HTT: variants seen among roughly 807,000 people sequenced by gnomAD.
HTT encodes the protein huntingtin.
Under a neutral mutation model 362.3 loss-of-function variants are expected in HTT, and 104 were observed. The ratio of observed to expected loss-of-function variants is 0.29; its 90% CI spans 0.24 to 0.34. The LOEUF (loss-of-function observed/expected upper bound fraction) is 0.34. HTT is among the 10% of genes least tolerant of loss of function. The pLI is 1.00. For missense variants in HTT, 3,301 were observed against 3,928.6 expected, an observed-to-expected ratio of 0.84 and a Z score of 4.27; for synonymous variants, 1,577 against 1,548.7, an observed-to-expected ratio of 1.02 and a Z score of -0.43.
chr4:3,239,042 A>T, intron 66 of HTT, 64 bp downstream of exon 66: 1 of 1,497,480 alleles, frequency 6.7e-7, no homozygotes, highest in Non-Finnish European at 9.0e-7. Flanking sequence ...CTCATGTTTC[A>T]TGATAAGGTT....
intron 34 of HTT, 52 bp from the exon 35 acceptor site, chr4:3,178,246 A>G (rs973743770): frequency 2.4e-5 from 31 of 1,290,960 alleles, no homozygotes; most frequent in Admixed American, 3.7e-5. Flanking sequence ...GCTTATATTG[A>G]TATGTATCTT....
intron 47 of HTT, 56 bp from the exon 48 acceptor site, chr4:3,211,873 T>G (rs1720175989): frequency 1.6e-6 from 2 of 1,285,338 alleles, no homozygotes; most frequent in Non-Finnish European, 2.3e-6. Context: ...TCTTACCTGA[T>G]TGAAAGCTCA....
At chr4:3,167,653 T>C (rs575406966) in intron 29 of HTT, among the ~76,000 whole-genome samples, 3 of 152,264 alleles carry the variant, frequency 2.0e-5, no homozygotes, top group South Asian at 2.1e-4. Context: ...TATCAAATGC[T>C]GCCTTATCCA....
At position 3,238,480 on chromosome 4, in the gene HTT, G is replaced by T; in HGVS notation, c.8925G>T (p.Val2975=). The change falls in exon 65 of 67, where the codon GTG becomes GTT. Residue 2975 remains valine (V), a synonymous_variant. Transcript: ENST00000355072. ...IRKGFPCEAR[V]VARILPQFLD... ...AAGGCTTTCCTTGTGAAGCCAGAGT[G>T]GTGGCCAGGATCCTGCCCCAGTTTC... 1 of 1,612,480 alleles carries T rather than the reference G, an allele frequency of 6.2e-7. No individual in the cohort carries two copies. Among genetic ancestry groups the T allele is most frequent in the South Asian group, 1.1e-5 (1 of 90,494 alleles).
intron 6 of HTT, among the ~76,000 whole-genome samples, chr4:3,111,293 A>C (rs1474801174): frequency 6.6e-6 from 1 of 150,996 alleles, no homozygotes; most frequent in African/African-American, 2.4e-5. Flanking sequence ...TCCCAGGTTC[A>C]AGCAGTTCTC....
At chr4:3,108,808 G>A (rs920758628) in intron 6 of HTT, among the ~76,000 whole-genome samples, 3 of 152,130 alleles carry the variant, frequency 2.0e-5, no homozygotes, top group East Asian at 3.8e-4. Flanking sequence ...CTACTTGGGA[G>A]GCTGAGGTAG....
intron 40 of HTT, among the ~76,000 whole-genome samples, chr4:3,190,427 A>C (rs1379898945): frequency 6.6e-6 from 1 of 151,610 alleles, no homozygotes; most frequent in Non-Finnish European, 1.5e-5. Flanking sequence ...TGTTTTTGTT[A>C]CTTTTACAAA....
intron 27 of HTT, 116 bp downstream of exon 27, chr4:3,154,535 G>A (rs927359872): frequency 7.4e-7 from 1 of 1,348,496 alleles, no homozygotes; most frequent in Non-Finnish European, 9.9e-7. Context: ...TCAGTAAAGT[G>A]AGAGAAAGTT....
intron 1 of HTT, among the ~76,000 whole-genome samples, chr4:3,082,576 C>G (rs1007336065): frequency 1.3e-5 from 2 of 152,164 alleles, no homozygotes; most frequent in African/African-American, 4.8e-5. Context: ...TAAGCAGACT[C>G]TCTCTGCTTG....
At chr4:3,096,530 G>A (rs1713865790) in intron 2 of HTT, among the ~76,000 whole-genome samples, 1 of 152,160 alleles carries the variant, frequency 6.6e-6, no homozygotes, top group African/African-American at 2.4e-5. Flanking sequence ...TCTGACCTCA[G>A]TATCATTAAG....
At chr4:3,101,217 T>C (rs145462322) in intron 3 of HTT, among the ~76,000 whole-genome samples, 1 of 152,330 alleles carries the variant, frequency 6.6e-6, no homozygotes, top group African/African-American at 2.4e-5. Flanking sequence ...TCATTTTTTT[T>C]CCAGGAATTG....
chr4:3,118,152 T>A (rs901398712), intron 8 of HTT, among the ~76,000 whole-genome samples: 4 of 152,222 alleles, frequency 2.6e-5, no homozygotes, highest in African/African-American at 7.2e-5. Context: ...TCTCTGTATT[T>A]CCTGTAAATC....
Position 3,174,958 on chromosome 4 carries a change from A to T in HTT, c.4258A>T (p.Asn1420Tyr), listed in dbSNP as rs756016368. Residue 1420 changes from asparagine to tyrosine, a missense_variant, in exon 33 of 67, where the codon AAT (asparagine) becomes TAT (tyrosine). By Grantham distance (143) the Asn-to-Tyr change is moderately radical (BLOSUM62 -2). Coordinates refer to ENST00000355072, the MANE Select transcript of HTT (RefSeq NM_001388492.1). ...TTCTTTTTTATAGAATGCTATTCAT[A>T]ATCACATTCGTTTGTTTGAACCTCT... The part of the protein sequence containing the change: ...KNRADKNAIH[N>Y]HIRLFEPLVI... 3 of 1,598,626 alleles carry T rather than the reference A, an allele frequency of 1.9e-6. No individual in the cohort carries two copies. The highest frequency in any genetic ancestry group is 2.6e-6 in the Non-Finnish European group (3 of 1,169,912).
At chr4:3,167,646 C>G (rs1337995866) in intron 29 of HTT, among the ~76,000 whole-genome samples, 1 of 151,842 alleles carries the variant, frequency 6.6e-6, no homozygotes, top group Non-Finnish European at 1.5e-5. Context: ...GTGAATGTAT[C>G]AAATGCTGCC....
intron 61 of HTT, 90 bp downstream of exon 61, chr4:3,233,443 T>G (rs1240743465): frequency 7.8e-7 from 1 of 1,276,762 alleles, no homozygotes; most frequent in African/African-American, 1.7e-5. Flanking sequence ...CCCAGGCTCC[T>G]GGCCAGATGG....
At chr4:3,238,768 C>A in intron 65 of HTT, 50 bp from the exon 66 acceptor site, 11 of 1,059,754 alleles carry the variant, frequency 1.0e-5, no homozygotes, top group Non-Finnish European at 1.3e-5. Context: ...GCAGCAGGTG[C>A]TTCCCGTCCC....
At chr4:3,231,793 G>A (rs967682560) in intron 60 of HTT, among the ~76,000 whole-genome samples, 1 of 152,154 alleles carries the variant, frequency 6.6e-6, no homozygotes, top group African/African-American at 2.4e-5. Context: ...TCAGCTGCTG[G>A]GCTAACTTGA....
chr4:3,173,078 T>C lies in HTT; in HGVS notation c.4113T>C (p.Ala1371=), dbSNP rs1442759854. The C allele has an allele frequency of 1.9e-6, 3 of 1,614,054 alleles. No homozygotes were observed. Among genetic ancestry groups the C allele is most frequent in the Non-Finnish European group, 1.7e-6 (2 of 1,180,050 alleles). ...APYTHFTQAL[A]DASLRNMVQA... The stretch of plus-strand genomic sequence containing the variant: ...ACACCCACTTCACCCAGGCCCTCGC[T>C]GACGCCAGCCTGAGGAACATGGTGC... The change falls in exon 31 of 67, where the codon GCT becomes GCC. Residue 1371 remains alanine (A), a synonymous_variant. Transcript: ENST00000355072.
intron 40 of HTT, among the ~76,000 whole-genome samples, chr4:3,193,770 A>T (rs1272417514): frequency 1.3e-5 from 2 of 152,196 alleles, no homozygotes; most frequent in Non-Finnish European, 2.9e-5. Context: ...AATTAACTTA[A>T]ATTTAAACAG....
Sources: allele counts gnomAD v4.1 joint callset (sites outside exome capture counted in the v4.1 genomes callset), GRCh38; gene constraint gnomAD v4.1.1; transcripts MANE v1.5; gene names NCBI Gene and HGNC (gene_info 2026-07-23, HGNC 2026-07-21).